Variants in DOCK2 observed in about 807,000 individuals in gnomAD.
The protein encoded by DOCK2 is dedicator of cytokinesis 2, also known as dedicator of cytokinesis protein 2.
Under a neutral mutation model 248.9 loss-of-function variants are expected in DOCK2, and 87 were observed. The observed-to-expected ratio is 0.35, with a 90% confidence interval of 0.29 to 0.42. DOCK2 has a LOEUF of 0.42. Ranked by LOEUF, DOCK2 falls within the 10% of genes least tolerant of loss-of-function variation. The pLI is 1.00. For synonymous variants in DOCK2, 805 were observed against 821.6 expected, an observed-to-expected ratio of 0.98 and a Z score of 0.35; for missense variants, 1,747 against 2,300.2, an observed-to-expected ratio of 0.76 and a Z score of 4.92.
intron 26 of DOCK2, among the ~76,000 whole-genome samples, chr5:169,821,910 A>C (rs561983934): frequency 6.6e-6 from 1 of 152,364 alleles, no homozygotes; most frequent in East Asian, 1.9e-4. Flanking sequence ...CTTAAAATAA[A>C]GGGATGGAGG....
intron 27 of DOCK2, among the ~76,000 whole-genome samples, chr5:169,871,309 C>T (rs901335845): frequency 6.6e-6 from 1 of 152,070 alleles, no homozygotes; most frequent in African/African-American, 2.4e-5. Flanking sequence ...GCATTTTATT[C>T]TAAGGAGAAG....
At chr5:169,681,158 C>G (rs1759640898) in intron 6 of DOCK2, among the ~76,000 whole-genome samples, 1 of 117,728 alleles carries the variant, frequency 8.5e-6, no homozygotes, top group African/African-American at 3.2e-5. Context: ...GAGTCTCGCT[C>G]TGTCACCGAG....
chr5:169,966,261 G>T (rs562167660), intron 27 of DOCK2, among the ~76,000 whole-genome samples: 1 of 151,976 alleles, frequency 6.6e-6, no homozygotes. Context: ...AGATAAAATG[G>T]GCTGCAAATG....
chr5:169,664,134 C>A (rs1479257466), intron 2 of DOCK2, among the ~76,000 whole-genome samples: 1 of 152,206 alleles, frequency 6.6e-6, no homozygotes, highest in Admixed American at 6.5e-5. Context: ...TACCCTAAAT[C>A]ATCTCTCTTA....
rs1389276004 is a variant in DOCK2 at position 169,870,523 on chromosome 5, GT to G, written c.2799+29673del. On this transcript the variant is annotated intron_variant, in intron 27 of 51. Coordinates refer to ENST00000520908, the MANE Select transcript of DOCK2 (RefSeq NM_004946.3). ...AGAAAGAAATAACAGAAGCCTCTCA[GT>G]TGTATATAACTTTTGAATTTGCAAA... is the stretch of plus-strand genomic sequence containing the variant. Among the ~76,000 whole-genome samples, 27 of 152,086 alleles carry G rather than the reference GT, an allele frequency of 1.8e-4. 1 individual carries two copies. Among genetic ancestry groups the G allele is most frequent in the Admixed American group, 1.6e-3 (24 of 15,246 alleles).
chr5:170,066,260 A>G (rs1241018629), intron 44 of DOCK2, among the ~76,000 whole-genome samples: 1 of 152,116 alleles, frequency 6.6e-6, no homozygotes, highest in African/African-American at 2.4e-5. Flanking sequence ...TTTATTTCAG[A>G]CAAAGTAGAC....
intron 32 of DOCK2, among the ~76,000 whole-genome samples, chr5:170,009,630 T>C (rs1755207568): frequency 6.6e-6 from 1 of 152,226 alleles, no homozygotes; most frequent in Non-Finnish European, 1.5e-5. Flanking sequence ...TTGACTTTCC[T>C]GCAAGTACTA....
chr5:169,803,079 C>T lies in DOCK2; in HGVS notation c.2576C>T (p.Pro859Leu). 6.2e-7 allele frequency: 1 copy of T among 1,614,130 alleles called. No homozygotes were observed. Among genetic ancestry groups the T allele is most frequent in the Non-Finnish European group, 8.5e-7 (1 of 1,180,004 alleles). The stretch of plus-strand genomic sequence containing the variant: ...CCAGAATGCCGGGACATTCTGCTTC[C>T]TGTCATCACCAAAGAGCTGAAGGAG... ...KKQECRDILL[P>L]VITKELKELL... The change falls in exon 26 of 52, where the codon CCT becomes CTT. Residue 859 changes from proline (P) to leucine (L), a missense_variant. Transcript: ENST00000520908.
chr5:169,883,702 C>T, intron 27 of DOCK2: 9 of 1,551,296 alleles, frequency 5.8e-6, no homozygotes, highest in Non-Finnish European at 7.8e-6. Context: ...TTGAGTCTTC[C>T]CCATCACAGC....
intron 22 of DOCK2, among the ~76,000 whole-genome samples, chr5:169,745,178 T>A (rs1053840729): frequency 1.3e-5 from 2 of 152,132 alleles, no homozygotes; most frequent in Non-Finnish European, 2.9e-5. Flanking sequence ...AACAGTGTGA[T>A]CTCATGGGGA....
intron 22 of DOCK2, among the ~76,000 whole-genome samples, chr5:169,736,794 A>G (rs1406540462): frequency 6.6e-6 from 1 of 152,186 alleles, no homozygotes; most frequent in African/African-American, 2.4e-5. Context: ...CATAAAACTT[A>G]GTTTCTTTTT....
rs185628865 is a variant in DOCK2 at position 169,733,162 on chromosome 5, G to A, written c.2268-14234G>A. Among the ~76,000 whole-genome samples the A allele has an allele frequency of 5.3e-5, 8 of 151,210 alleles. 1 individual carries two copies. The highest frequency in any genetic ancestry group is 5.3e-4 in the Admixed American group (8 of 15,150). On this transcript the variant is annotated intron_variant, in intron 22 of 51. Coordinates refer to ENST00000520908, the MANE Select transcript of DOCK2 (RefSeq NM_004946.3). ...TCCTTTTTCTCCCTTTCTTTTTTTG[G>A]GATTGTTTTCAATTTCCTCATTCCC... is the stretch of plus-strand genomic sequence containing the variant.
chr5:169,915,698 T>C (rs1447809938), intron 27 of DOCK2, among the ~76,000 whole-genome samples: 1 of 152,090 alleles, frequency 6.6e-6, no homozygotes, highest in Non-Finnish European at 1.5e-5. Flanking sequence ...TTTCAACATT[T>C]AAAGGCAATT....
At position 169,699,400 on chromosome 5, in the gene DOCK2, C is replaced by T; in HGVS notation, c.1074C>T (p.Asp358=). ...TTTCCAGGGTTACAGCTGAGAATGA[C>T]TTCCTACACAGCCTGCTGGGCAAAG... ...IPFHPVTAEN[D]FLHSLLGKVI... Residue 358 remains aspartate (D), a synonymous_variant, in exon 12 of 52, where the codon GAC becomes GAT. Coordinates refer to ENST00000520908, the MANE Select transcript of DOCK2 (RefSeq NM_004946.3). The T allele has an allele frequency of 6.2e-7, 1 of 1,613,388 alleles. No individual in the cohort carries two copies. The highest frequency in any genetic ancestry group is 8.5e-7 in the Non-Finnish European group (1 of 1,179,556).
At chr5:169,656,575 A>T (rs1373509461) in intron 2 of DOCK2, among the ~76,000 whole-genome samples, 2 of 152,068 alleles carry the variant, frequency 1.3e-5, no homozygotes, top group Middle Eastern at 3.2e-3. Context: ...GGCCTCCCAA[A>T]GTGCTGGGAT....
At chr5:169,786,259 G>A (rs1765973070) in intron 25 of DOCK2, among the ~76,000 whole-genome samples, 1 of 152,148 alleles carries the variant, frequency 6.6e-6, no homozygotes, top group Non-Finnish European at 1.5e-5. Flanking sequence ...CTTGGCAGGG[G>A]CTGCATGTGT....
intron 2 of DOCK2, among the ~76,000 whole-genome samples, chr5:169,660,389 A>AT (rs1758375486): frequency 6.6e-6 from 1 of 152,236 alleles, no homozygotes; most frequent in Non-Finnish European, 1.5e-5. Context: ...GAGGAGATGG[A>AT]TAGAGCATCC....
At chr5:169,714,480 T>A (rs763865393) in intron 19 of DOCK2, 23 bp downstream of exon 19, 1 of 1,612,908 alleles carries the variant, frequency 6.2e-7, no homozygotes. Flanking sequence ...TCATTTTGAT[T>A]GTATTCTTAC....
At chr5:170,036,402 C>T in intron 35 of DOCK2, 113 bp from the exon 36 acceptor site, 1 of 1,066,572 alleles carries the variant, frequency 9.4e-7, no homozygotes, top group Non-Finnish European at 1.4e-6. Flanking sequence ...ATTCCTATCT[C>T]AGGGTACCCA....
Sources: gnomAD v4.1 joint callset for allele counts (sites outside exome capture counted in the v4.1 genomes callset) on GRCh38, gnomAD v4.1.1 for gene constraint, MANE v1.5 for transcripts, NCBI Gene and HGNC (gene_info 2026-07-23, HGNC 2026-07-21) for gene names.